PLXDC2: variants seen among roughly 807,000 people sequenced by gnomAD.
PLXDC2 encodes the protein plexin domain containing 2, also known as plexin domain-containing protein 2.
In PLXDC2, 40 loss-of-function variants were observed where a neutral mutation model predicts 68.9. The observed-to-expected ratio is 0.58, with a 90% CI of 0.45 to 0.76. The LOEUF (loss-of-function observed/expected upper bound fraction) is 0.76, where lower values mean the gene tolerates loss of function less well. Among genes scored for constraint, PLXDC2 ranks in the 30% least tolerant of loss-of-function variants. The pLI, the probability that PLXDC2 is intolerant of heterozygous loss-of-function variation, is 0.00. For missense variants in PLXDC2, 644 were observed against 661.9 expected (o/e 0.97, Z 0.30); for synonymous variants, 243 against 234.2 (o/e 1.04, Z -0.34).
chr10:20,137,128 C>A (rs1833944842), intron 4 of PLXDC2, among the ~76,000 whole-genome samples: 1 of 152,142 alleles, frequency 6.6e-6, no homozygotes. Flanking sequence ...AGGCCTGAAG[C>A]ACAATTTTAA....
chr10:20,104,636 T>C (rs11011800), intron 4 of PLXDC2, among the ~76,000 whole-genome samples: 490 of 152,324 alleles, frequency 3.2e-3, no homozygotes, highest in African/African-American at 0.011. Flanking sequence ...TATATATAAA[T>C]ATTGTTGGCA....
chr10:20,200,741 G>T (rs756888042), intron 9 of PLXDC2, among the ~76,000 whole-genome samples: 1 of 151,894 alleles, frequency 6.6e-6, no homozygotes, highest in Non-Finnish European at 1.5e-5. Flanking sequence ...CTCAAAAGAT[G>T]ATATACAAAT....
chr10:20,175,745 T>C (rs1280233147), intron 7 of PLXDC2, among the ~76,000 whole-genome samples: 1 of 152,218 alleles, frequency 6.6e-6, no homozygotes, highest in African/African-American at 2.4e-5. Context: ...GGTGGGAGGA[T>C]CGCTTGAGCC....
chr10:19,971,325 A>G (rs563986047), intron 1 of PLXDC2, among the ~76,000 whole-genome samples: 2 of 152,310 alleles, frequency 1.3e-5, no homozygotes, highest in South Asian at 4.1e-4. Flanking sequence ...ATCATTGGCC[A>G]AAACTAAACT....
chr10:19,948,603 G>A (rs914455227), intron 1 of PLXDC2, among the ~76,000 whole-genome samples: 1 of 151,868 alleles, frequency 6.6e-6, no homozygotes, highest in East Asian at 1.9e-4. Context: ...TGACTGTGTG[G>A]CGTTTAATGC....
intron 1 of PLXDC2, among the ~76,000 whole-genome samples, chr10:19,871,929 C>T (rs536166445): frequency 5.3e-5 from 8 of 151,462 alleles, no homozygotes; most frequent in Non-Finnish European, 1.2e-4. Context: ...TTACCATATG[C>T]CCATTTCCTT....
At chr10:20,219,542 A>G (rs1050481577) in intron 12 of PLXDC2, among the ~76,000 whole-genome samples, 2 of 152,208 alleles carry the variant, frequency 1.3e-5, no homozygotes, top group Admixed American at 1.3e-4. Flanking sequence ...TCTATGAAGC[A>G]AAGAACAAAA....
intron 9 of PLXDC2, among the ~76,000 whole-genome samples, chr10:20,208,816 G>A (rs956437181): frequency 6.6e-6 from 1 of 152,042 alleles, no homozygotes; most frequent in Non-Finnish European, 1.5e-5. Context: ...GAAATAAAGG[G>A]ACAGAGTACA....
At chr10:20,127,747 A>G (rs1186986288) in intron 4 of PLXDC2, among the ~76,000 whole-genome samples, 2 of 152,108 alleles carry the variant, frequency 1.3e-5, no homozygotes, top group Admixed American at 6.5e-5. Flanking sequence ...CCCAGCTACT[A>G]GGAAGGCTGA....
chr10:19,987,798 G>A (rs1394018688), intron 1 of PLXDC2, among the ~76,000 whole-genome samples: 1 of 151,880 alleles, frequency 6.6e-6, no homozygotes, highest in African/African-American at 2.4e-5. Context: ...TCGATCTCCC[G>A]ACCTTGTGAT....
intron 1 of PLXDC2, among the ~76,000 whole-genome samples, chr10:19,939,064 A>G (rs549376966): frequency 6.6e-6 from 1 of 152,348 alleles, no homozygotes; most frequent in South Asian, 2.1e-4. Context: ...GTAATCAAAG[A>G]GTGGAATCCA....
chr10:20,261,175 A>G (rs1237024670), intron 13 of PLXDC2, among the ~76,000 whole-genome samples: 1 of 152,180 alleles, frequency 6.6e-6, no homozygotes, highest in Admixed American at 6.5e-5. Context: ...TGTTTGCTGT[A>G]TAGAAGCGTT....
chr10:19,932,322 C>T (rs528514072), intron 1 of PLXDC2, among the ~76,000 whole-genome samples: 128 of 152,184 alleles, frequency 8.4e-4, no homozygotes, highest in Non-Finnish European at 1.5e-3. Context: ...TTTCTCTTGG[C>T]ACACATGTGG....
At chr10:19,852,213 G>T (rs1837130350) in intron 1 of PLXDC2, among the ~76,000 whole-genome samples, 1 of 151,892 alleles carries the variant, frequency 6.6e-6, no homozygotes. Flanking sequence ...AGACCAGCCT[G>T]GGCTACACGG....
intron 1 of PLXDC2, among the ~76,000 whole-genome samples, chr10:19,839,635 G>GC (rs11433960): frequency 0.26 from 38,647 of 147,254 alleles, 5,570 homozygotes; most frequent in East Asian, 0.47. Context: ...ACATGTTGGT[G>GC]TTTTTTTTTT....
At chr10:20,151,608 A>G (rs778347470) in intron 6 of PLXDC2, among the ~76,000 whole-genome samples, 19 of 152,168 alleles carry the variant, frequency 1.2e-4, no homozygotes, top group Admixed American at 7.2e-4. Flanking sequence ...TCACAAATCT[A>G]TGTCTCATTT....
intron 1 of PLXDC2, among the ~76,000 whole-genome samples, chr10:19,829,756 A>AATGTACAG (rs1836651337): frequency 6.6e-6 from 1 of 152,040 alleles, no homozygotes; most frequent in Non-Finnish European, 1.5e-5. Flanking sequence ...AAAAAGTCAA[A>AATGTACAG]ATGTACAGAG....
At chr10:19,988,668 A>G (rs978175489) in intron 1 of PLXDC2, among the ~76,000 whole-genome samples, 1 of 148,780 alleles carries the variant, frequency 6.7e-6, no homozygotes, top group East Asian at 2.0e-4. Context: ...CAAATGTTGT[A>G]GTGCTTTCAG....
chr10:20,202,903 C>T (rs1202513545), intron 9 of PLXDC2, among the ~76,000 whole-genome samples: 5 of 152,042 alleles, frequency 3.3e-5, no homozygotes, highest in Non-Finnish European at 7.4e-5. Context: ...TTTAATGCAT[C>T]GCAATTTCAA....
Sources: gnomAD v4.1 joint callset for allele counts (sites outside exome capture counted in the v4.1 genomes callset) on GRCh38, gnomAD v4.1.1 for gene constraint, MANE v1.5 for transcripts, NCBI Gene and HGNC (gene_info 2026-07-23, HGNC 2026-07-21) for gene names.